The following DAB1 variants were observed in gnomAD, a reference collection of about 807,000 sequenced individuals.
DAB1 encodes the protein DAB adaptor protein 1.
A neutral mutation model predicts 64.6 loss-of-function variants in DAB1; 15 were observed. The observed-to-expected ratio is 0.23, with a 90% confidence interval of 0.16 to 0.36. DAB1 has a LOEUF of 0.36. Among genes scored for constraint, DAB1 ranks in the 10% least tolerant of loss-of-function variants. DAB1 has a pLI of 1.00. For missense variants in DAB1, 596 were observed against 706.7 expected, an observed-to-expected ratio of 0.84 and a Z score of 1.78; for synonymous variants, 235 against 251.9, an observed-to-expected ratio of 0.93 and a Z score of 0.64.
chr1:57,189,641 C>T (rs536193648), intron 2 of DAB1, among the ~76,000 whole-genome samples: 14 of 152,216 alleles, frequency 9.2e-5, no homozygotes, highest in Middle Eastern at 3.4e-3. Flanking sequence ...CCTAGAGATA[C>T]AAAGTTGCCA....
At chr1:57,906,651 T>C (rs1300904956) in intron 5 of DAB1, among the ~76,000 whole-genome samples, 1 of 152,106 alleles carries the variant, frequency 6.6e-6, no homozygotes, top group South Asian at 2.1e-4. Flanking sequence ...TTGAGGCCCA[T>C]TATTACAGTA....
chr1:57,588,391 G>C (rs1645404844), intron 7 of DAB1, among the ~76,000 whole-genome samples: 1 of 152,178 alleles, frequency 6.6e-6, no homozygotes, highest in African/African-American at 2.4e-5. Flanking sequence ...AATTAAAATG[G>C]AAGTGCTATC....
intron 6 of DAB1, among the ~76,000 whole-genome samples, chr1:57,790,084 G>A (rs2101856758): frequency 6.6e-6 from 1 of 152,306 alleles, no homozygotes; most frequent in South Asian, 2.1e-4. Context: ...CTATTTTCAT[G>A]AGCTGATAAG....
intron 4 of DAB1, among the ~76,000 whole-genome samples, chr1:58,200,231 G>C (rs960157185): frequency 3.3e-5 from 5 of 152,152 alleles, no homozygotes; most frequent in African/African-American, 1.2e-4. Context: ...CATTATGAGA[G>C]ATGAAAAAGC....
At chr1:57,563,540 C>G (rs1645078211) in intron 7 of DAB1, among the ~76,000 whole-genome samples, 1 of 152,114 alleles carries the variant, frequency 6.6e-6, no homozygotes, top group Non-Finnish European at 1.5e-5. Context: ...CCTTTCCTAG[C>G]CAAGGGAAGC....
At chr1:57,823,965 G>A (rs1263491306), downstream of DAB1, among the ~76,000 whole-genome samples, 2 of 152,192 alleles carry the variant, frequency 1.3e-5, no homozygotes, top group Non-Finnish European at 2.9e-5. Flanking sequence ...ATGCTGTCCA[G>A]CCAGTTGGTG....
At chr1:57,801,948 G>A (rs1367440494) in intron 6 of DAB1, among the ~76,000 whole-genome samples, 3 of 152,168 alleles carry the variant, frequency 2.0e-5, no homozygotes, top group Non-Finnish European at 4.4e-5. Context: ...GTGAACCACT[G>A]CACCGGGCAG....
chr1:57,395,438 G>A (rs1284726318), intron 1 of DAB1, among the ~76,000 whole-genome samples: 1 of 152,108 alleles, frequency 6.6e-6, no homozygotes, highest in Non-Finnish European at 1.5e-5. Flanking sequence ...CTACCAAATT[G>A]GATGTCACAT....
chr1:57,006,922 A>G (rs140688837), intron 14 of DAB1, among the ~76,000 whole-genome samples: 33 of 152,272 alleles, frequency 2.2e-4, no homozygotes, highest in African/African-American at 7.0e-4. Context: ...ATGCTTACCT[A>G]AGGTGACCTG....
At chr1:57,330,067 A>G (rs1256692750) in intron 1 of DAB1, among the ~76,000 whole-genome samples, 2 of 152,166 alleles carry the variant, frequency 1.3e-5, no homozygotes, top group Admixed American at 1.3e-4. Flanking sequence ...CAGGGCAATA[A>G]GGATCATATT....
intron 7 of DAB1, among the ~76,000 whole-genome samples, chr1:57,510,255 A>C (rs1644391602): frequency 6.6e-6 from 1 of 152,042 alleles, no homozygotes; most frequent in Non-Finnish European, 1.5e-5. Flanking sequence ...CTCTGCCTGC[A>C]CTTTACCTCT....
At chr1:57,562,012 G>A (rs1455372785) in intron 7 of DAB1, among the ~76,000 whole-genome samples, 2 of 152,356 alleles carry the variant, frequency 1.3e-5, no homozygotes, top group Non-Finnish European at 2.9e-5. Context: ...CTCACAGAAT[G>A]CCTTATCCAC....
intron 4 of DAB1, among the ~76,000 whole-genome samples, chr1:58,334,029 C>A (rs937439611): frequency 2.0e-5 from 3 of 152,168 alleles, no homozygotes; most frequent in Non-Finnish European, 2.9e-5. Context: ...GTAATAAGAT[C>A]ATATCTTCTC....
At chr1:57,910,541 T>C (rs1027551751) in intron 5 of DAB1, among the ~76,000 whole-genome samples, 3 of 152,168 alleles carry the variant, frequency 2.0e-5, no homozygotes, top group Admixed American at 1.3e-4. Flanking sequence ...AAGTGATCTG[T>C]AATCAACGGA....
At chr1:57,982,932 C>T (rs141332197) in intron 5 of DAB1, among the ~76,000 whole-genome samples, 18 of 152,156 alleles carry the variant, frequency 1.2e-4, no homozygotes, top group Non-Finnish European at 2.1e-4. Flanking sequence ...GTAGGTATTG[C>T]GGTTCTACTT....
intron 5 of DAB1, among the ~76,000 whole-genome samples, chr1:57,976,230 C>T (rs916337553): frequency 4.6e-5 from 7 of 152,254 alleles, no homozygotes; most frequent in East Asian, 3.9e-4. Context: ...ATCTCCCTTC[C>T]GGCTCTCAGG....
rs377450143 is a variant in DAB1 at position 57,140,769 on chromosome 1, T to A, written c.208-4128A>T. On this transcript the variant is annotated intron_variant, in intron 3 of 14. Transcript: ENST00000371236. ...ATTGATATGATTAAGCAATACCACG[T>A]GCTAGGCACTGTGTGAAATGATTGA... 3.0e-4 allele frequency among the ~76,000 whole-genome samples: 45 copies of A among 152,242 alleles called. No individual in the cohort carries two copies. The South Asian group carries it at 9.4e-3, about 32-fold the overall frequency.
chr1:57,550,280 C>T (rs1019756803), intron 7 of DAB1, among the ~76,000 whole-genome samples: 8 of 152,156 alleles, frequency 5.3e-5, no homozygotes, highest in Non-Finnish European at 1.2e-4. Flanking sequence ...GATTAGTTGA[C>T]AGGAAGTGGT....
At chr1:57,846,455 CAAA>C (rs71051260) in intron 1 of DAB1, among the ~76,000 whole-genome samples, 39 of 113,670 alleles carry the variant, frequency 3.4e-4, no homozygotes, top group Admixed American at 1.2e-3. Flanking sequence ...AAGACTCCAT[CAAA>C]AAAAAAAAAA....
Sources: allele counts gnomAD v4.1 joint callset (sites outside exome capture counted in the v4.1 genomes callset), GRCh38; gene constraint gnomAD v4.1.1; transcripts MANE v1.5; gene names NCBI Gene and HGNC (gene_info 2026-07-23, HGNC 2026-07-21).